CEP192: variants seen among roughly 807,000 people sequenced by gnomAD.
The protein encoded by CEP192 is centrosomal protein of 192 kDa.
In CEP192, 151 loss-of-function variants were observed where a neutral mutation model predicts 271.8. The ratio of observed to expected loss-of-function variants is 0.56; its 90% CI spans 0.49 to 0.64. The LOEUF (loss-of-function observed/expected upper bound fraction) is 0.64, where lower values mean the gene tolerates loss of function less well. Ranked by LOEUF, CEP192 falls within the 30% of genes least tolerant of loss-of-function variation. The pLI, the probability that CEP192 is intolerant of heterozygous loss-of-function variation, is 0.00. For missense variants in CEP192, 2,910 were observed against 3,020.5 expected (o/e 0.96, Z 0.86); for synonymous variants, 995 against 1,076.5 (o/e 0.92, Z 1.48).
Position 13,069,159 on chromosome 18 carries a change from T to C in CEP192, c.5033T>C (p.Ile1678Thr). ...QHLPLKNAGN[I>T]EVYLDIKVPE... is the part of the protein sequence containing the mutation. ...TTACCTTTGAAAAATGCTGGGAACA[T>C]TGAAGTTTATTTGGATATCAAGGTA... is the stretch of plus-strand genomic sequence containing the variant. The change falls in exon 26 of 45, where the codon ATT becomes ACT. Residue 1678 changes from isoleucine (I) to threonine (T), a missense_variant. Physicochemically the swap from Ile to Thr is moderately conservative, Grantham distance 89. Transcript: ENST00000506447. 2 of 1,614,044 alleles carry C rather than the reference T, an allele frequency of 1.2e-6. No individual in the cohort carries two copies. The highest frequency in any genetic ancestry group is 1.1e-5 in the South Asian group (1 of 91,080).
At chr18:12,995,713 G>A (rs1016802765) in intron 1 of CEP192, among the ~76,000 whole-genome samples, 7 of 152,236 alleles carry the variant, frequency 4.6e-5, no homozygotes, top group African/African-American at 1.7e-4. Flanking sequence ...AGCAGGGAAA[G>A]GAGGTTGGGA....
chr18:13,044,296 T>A (rs563216796), intron 15 of CEP192, among the ~76,000 whole-genome samples: 1 of 152,304 alleles, frequency 6.6e-6, no homozygotes, highest in South Asian at 2.1e-4. Context: ...CCTTTGTTTC[T>A]TTGTCTTGCC....
At chr18:13,078,390 CAT>C (rs1346241273) in intron 30 of CEP192, among the ~76,000 whole-genome samples, 6 of 152,122 alleles carry the variant, frequency 3.9e-5, no homozygotes, top group Non-Finnish European at 7.3e-5. Flanking sequence ...CTGCAATAAA[CAT>C]ATGTGTGCAT....
chr18:13,044,561 A>G (rs1179152238), intron 15 of CEP192, among the ~76,000 whole-genome samples: 1 of 152,196 alleles, frequency 6.6e-6, no homozygotes, highest in East Asian at 1.9e-4. Flanking sequence ...TAGATCTGTT[A>G]AGAACATGAG....
At chr18:13,102,492 C>T (rs923427041) in intron 38 of CEP192, among the ~76,000 whole-genome samples, 1 of 152,154 alleles carries the variant, frequency 6.6e-6, no homozygotes, top group Non-Finnish European at 1.5e-5. Flanking sequence ...TCAGCAGCCC[C>T]CTGCCCTCAC....
chr18:13,003,570 A>G (rs1235679814), intron 3 of CEP192, among the ~76,000 whole-genome samples: 2 of 152,088 alleles, frequency 1.3e-5, no homozygotes, highest in African/African-American at 4.8e-5. Context: ...GAAGGAACTA[A>G]GGCAGGAGAG....
Position 13,059,181 on chromosome 18 carries a change from C to T in CEP192, c.4357C>T (p.Pro1453Ser), listed in dbSNP as rs1256557604. The change falls in exon 21 of 45, where the codon CCT becomes TCT. Residue 1453 changes from proline to serine, a missense_variant. Coordinates refer to ENST00000506447, the MANE Select transcript of CEP192 (RefSeq NM_032142.4). ...EIKVLFIPSS[P>S]GVFRCTFSVA... ...AAAAGTGCTTTTTATACCATCCAGT[C>T]CTGGGGTTTTCAGATGCACATTCAG... 3.1e-6 allele frequency: 5 copies of T among 1,613,894 alleles called. No homozygotes were observed. The Admixed American group carries it at 5.0e-5, about 16-fold the overall frequency.
chr18:13,105,090 A>G lies in CEP192; in HGVS notation c.7047+11A>G, dbSNP rs1362410773. On this transcript the variant is annotated intron_variant, in intron 40 of 44. Transcript: ENST00000506447. ...CATGGGATCCAAAAAGTAGGTTTTG[A>G]TATTTTTTTCCATAGGAACATCATG... 1 of 1,588,814 alleles carries G rather than the reference A, an allele frequency of 6.3e-7. No homozygotes were observed. Among genetic ancestry groups the G allele is most frequent in the Admixed American group, 1.7e-5 (1 of 59,972 alleles).
chr18:13,061,261 T>C (rs1405089700), intron 21 of CEP192, among the ~76,000 whole-genome samples: 1 of 152,174 alleles, frequency 6.6e-6, no homozygotes, highest in Non-Finnish European at 1.5e-5. Flanking sequence ...AGGCGGAGGT[T>C]ACAGTGAGCT....
At position 13,071,132 on chromosome 18, in the gene CEP192, T is replaced by C. The variant is rs2037989400; in HGVS notation, c.5268T>C (p.Pro1756=). ...CTTCAGGAAGTAAACCTCTGTCACC[T>C]GGACCTTGCTTAGATATTCCATCGA... ...VISSGSKPLS[P]GPCLDIPSIL... is the part of the protein sequence containing the mutation. The change falls in exon 28 of 45, where the codon CCT becomes CCC. Residue 1756 remains proline, a synonymous_variant. Coordinates refer to ENST00000506447, the MANE Select transcript of CEP192 (RefSeq NM_032142.4). 2.5e-6 allele frequency: 4 copies of C among 1,614,190 alleles called. No homozygotes were observed. Among genetic ancestry groups the C allele is most frequent in the Non-Finnish European group, 3.4e-6 (4 of 1,179,980 alleles).
chr18:13,055,239 A>C (rs1017127834), intron 18 of CEP192, among the ~76,000 whole-genome samples: 1 of 151,232 alleles, frequency 6.6e-6, no homozygotes, highest in African/African-American at 2.4e-5. Flanking sequence ...AGATTGCGCC[A>C]TTGCACTCCA....
intron 9 of CEP192, among the ~76,000 whole-genome samples, chr18:13,023,268 G>T (rs553278157): frequency 6.6e-6 from 1 of 152,140 alleles, no homozygotes; most frequent in African/African-American, 2.4e-5. Flanking sequence ...CATTAGCTAG[G>T]ACTTATAGTA....
At chr18:13,047,732 C>T (rs1036208673) in intron 15 of CEP192, among the ~76,000 whole-genome samples, 2 of 152,092 alleles carry the variant, frequency 1.3e-5, no homozygotes, top group Non-Finnish European at 2.9e-5. Flanking sequence ...GTTTATGTTT[C>T]TTAACTGTTG....
chr18:13,084,432 A>T (rs924632380), intron 30 of CEP192, among the ~76,000 whole-genome samples: 1 of 152,214 alleles, frequency 6.6e-6, no homozygotes, highest in Admixed American at 6.5e-5. Context: ...TGCCAAGCCA[A>T]GCGCGGGATA....
chr18:13,006,573 G>A (rs147147661), intron 3 of CEP192, among the ~76,000 whole-genome samples: 1 of 152,162 alleles, frequency 6.6e-6, no homozygotes, highest in Non-Finnish European at 1.5e-5. Flanking sequence ...TCTGTAAACT[G>A]TTCCTTTTCT....
At position 13,056,030 on chromosome 18, in the gene CEP192, T is replaced by C. The variant is rs929715411; in HGVS notation, c.3440T>C (p.Leu1147Pro). 3.1e-6 allele frequency: 5 copies of C among 1,614,206 alleles called. No individual in the cohort carries two copies. The highest frequency in any genetic ancestry group is 4.2e-6 in the Non-Finnish European group (5 of 1,180,036). Residue 1147 changes from leucine to proline, a missense_variant, in exon 19 of 45, where the codon CTG becomes CCG. Coordinates refer to ENST00000506447, the MANE Select transcript of CEP192 (RefSeq NM_032142.4). ...GATCCTTCCTCCAAAAGTGGAAATC[T>C]GTTGGAAACCAGTGAGGTAGGTTGG... ...SKDPSSKSGNLLETSEVGWTS... is the reference protein window; with the variant it reads ...SKDPSSKSGNPLETSEVGWTS...
chr18:13,042,396 A>G, intron 15 of CEP192, 62 bp downstream of exon 15: 1 of 1,545,944 alleles, frequency 6.5e-7, no homozygotes, highest in Non-Finnish European at 8.9e-7. Flanking sequence ...ATCTAGGATC[A>G]AGACGAGATC....
At chr18:13,112,664 C>T (rs1021741516) in intron 40 of CEP192, among the ~76,000 whole-genome samples, 1 of 152,302 alleles carries the variant, frequency 6.6e-6, no homozygotes, top group African/African-American at 2.4e-5. Context: ...TTCTTAGTGT[C>T]CAAGCCCCTG....
intron 9 of CEP192, among the ~76,000 whole-genome samples, chr18:13,025,711 A>C (rs1326261644): frequency 6.6e-6 from 1 of 152,202 alleles, no homozygotes; most frequent in Non-Finnish European, 1.5e-5. Context: ...TAATAACAAA[A>C]TATTCCTAAT....
Sources: allele counts gnomAD v4.1 joint callset (sites outside exome capture counted in the v4.1 genomes callset), GRCh38; gene constraint gnomAD v4.1.1; transcripts MANE v1.5; gene names NCBI Gene and HGNC (gene_info 2026-07-23, HGNC 2026-07-21).